Variants in PITPNC1 observed in about 807,000 individuals in gnomAD.
PITPNC1 encodes the protein cytoplasmic phosphatidylinositol transfer protein 1.
In PITPNC1, 18 loss-of-function variants were observed where a neutral mutation model predicts 44.7. That is an observed-to-expected ratio of 0.40 (90% CI 0.28 to 0.60). The LOEUF (loss-of-function observed/expected upper bound fraction) is 0.60. PITPNC1 is among the 20% of genes least tolerant of loss of function. The pLI, the probability that PITPNC1 is intolerant of heterozygous loss-of-function variation, is 0.39. For synonymous variants in PITPNC1, 141 were observed against 149.6 expected (o/e 0.94, Z 0.42); for missense variants, 290 against 418.4 (o/e 0.69, Z 2.68).
At chr17:67,495,036 AGTT>A (rs1319694317) in intron 1 of PITPNC1, among the ~76,000 whole-genome samples, 2 of 69,932 alleles carry the variant, frequency 2.9e-5, no homozygotes, top group African/African-American at 1.1e-4. Flanking sequence ...TGAGCCATGG[AGTT>A]GTTTTTTTTT....
At chr17:67,546,617 C>T (rs757820888) in intron 2 of PITPNC1, among the ~76,000 whole-genome samples, 72 of 152,228 alleles carry the variant, frequency 4.7e-4, no homozygotes, top group Admixed American at 1.5e-3. Context: ...ACACTGTCCA[C>T]ATAACCCTGA....
chr17:67,645,361 A>AAAAAAAAG (rs1567756575), intron 6 of PITPNC1, among the ~76,000 whole-genome samples: 1 of 151,650 alleles, frequency 6.6e-6, no homozygotes. Flanking sequence ...AAAAAAAAAA[A>AAAAAAAAG]AGAGAAAGTG....
chr17:67,437,197 G>C (rs1201299414), intron 1 of PITPNC1, among the ~76,000 whole-genome samples: 1 of 152,182 alleles, frequency 6.6e-6, no homozygotes, highest in East Asian at 1.9e-4. Context: ...TGGGATTACA[G>C]GTGTGAGCCA....
chr17:67,378,758 C>T (rs2037910828), intron 1 of PITPNC1, among the ~76,000 whole-genome samples: 1 of 152,244 alleles, frequency 6.6e-6, no homozygotes, highest in Non-Finnish European at 1.5e-5. Flanking sequence ...CCCGGCACGT[C>T]CGCCCTTCGA....
chr17:67,623,449 G>C (rs1321472731), intron 5 of PITPNC1, among the ~76,000 whole-genome samples: 1 of 152,050 alleles, frequency 6.6e-6, no homozygotes, highest in Non-Finnish European at 1.5e-5. Context: ...GCGTGATCTT[G>C]GCTCACTGCA....
chr17:67,476,742 C>T (rs1348209806), intron 1 of PITPNC1, among the ~76,000 whole-genome samples: 2 of 152,268 alleles, frequency 1.3e-5, no homozygotes, highest in East Asian at 3.9e-4. Context: ...ACCTCCACCT[C>T]CCAAAGTTCT....
At chr17:67,641,783 A>AAATAGT (rs1555575886) in intron 6 of PITPNC1, among the ~76,000 whole-genome samples, 4 of 135,930 alleles carry the variant, frequency 2.9e-5, no homozygotes, top group Admixed American at 7.5e-5. Flanking sequence ...CCCTACCTCA[A>AAATAGT]AATAATAATA....
chr17:67,435,083 TG>T (rs2038917746), intron 1 of PITPNC1, among the ~76,000 whole-genome samples: 1 of 123,098 alleles, frequency 8.1e-6, no homozygotes, highest in Non-Finnish European at 1.6e-5. Context: ...CACTCCAGCC[TG>T]GGTGACAGAG....
At chr17:67,503,987 C>A (rs1410779931) in intron 1 of PITPNC1, among the ~76,000 whole-genome samples, 2 of 151,918 alleles carry the variant, frequency 1.3e-5, no homozygotes, top group South Asian at 2.1e-4. Context: ...TGGAAGTTAC[C>A]CTCTTGTAAC....
chr17:67,493,838 A>C (rs1389524038), intron 1 of PITPNC1, among the ~76,000 whole-genome samples: 1 of 152,244 alleles, frequency 6.6e-6, no homozygotes, highest in Non-Finnish European at 1.5e-5. Flanking sequence ...AGAATGAGAA[A>C]AATTCAGGTC....
At chr17:67,669,745 G>A in intron 7 of PITPNC1, 82 bp downstream of exon 7, 1 of 997,216 alleles carries the variant, frequency 1.0e-6, no homozygotes, top group Non-Finnish European at 1.5e-6. Flanking sequence ...ATACACAACA[G>A]GTGCACAAAT....
intron 1 of PITPNC1, among the ~76,000 whole-genome samples, chr17:67,398,447 G>T (rs568621417): frequency 6.6e-6 from 1 of 152,228 alleles, no homozygotes; most frequent in East Asian, 1.9e-4. Flanking sequence ...TGGCGGAGGA[G>T]GCAAAACTCT....
chr17:67,690,702 T>C (rs1266861869), intron 8 of PITPNC1, among the ~76,000 whole-genome samples: 1 of 152,152 alleles, frequency 6.6e-6, no homozygotes, highest in Non-Finnish European at 1.5e-5. Context: ...AGGATAAGCC[T>C]TGGGCCTTGA....
At chr17:67,408,866 T>C (rs925002011) in intron 1 of PITPNC1, 8 of 152,258 alleles carry the variant, frequency 5.3e-5, no homozygotes, top group African/African-American at 1.7e-4. Context: ...GATAACTCAC[T>C]ACGTTTGGAC....
At chr17:67,490,419 G>T (rs572705628) in intron 1 of PITPNC1, among the ~76,000 whole-genome samples, 4 of 152,074 alleles carry the variant, frequency 2.6e-5, no homozygotes, top group South Asian at 2.1e-4. Context: ...CCAGATAAAA[G>T]AATGAAATTA....
chr17:67,477,241 CTTTTTT>C (rs3052411), intron 1 of PITPNC1, among the ~76,000 whole-genome samples: 3 of 97,014 alleles, frequency 3.1e-5, no homozygotes, highest in African/African-American at 8.9e-5. Context: ...ACACCCAGCT[CTTTTTT>C]TTTTTTTTTT....
intron 5 of PITPNC1, among the ~76,000 whole-genome samples, chr17:67,589,094 A>G (rs1052007079): frequency 6.6e-6 from 1 of 152,224 alleles, no homozygotes; most frequent in African/African-American, 2.4e-5. Flanking sequence ...TGGAAAGTCA[A>G]TGTTCTTATT....
chr17:67,458,080 G>A (rs973882592), intron 1 of PITPNC1, among the ~76,000 whole-genome samples: 1 of 152,134 alleles, frequency 6.6e-6, no homozygotes, highest in African/African-American at 2.4e-5. Context: ...CCCCATCAGT[G>A]TGACCAAACT....
intron 1 of PITPNC1, among the ~76,000 whole-genome samples, chr17:67,498,420 CAT>C (rs1404032493): frequency 6.6e-6 from 1 of 152,124 alleles, no homozygotes; most frequent in Non-Finnish European, 1.5e-5. Flanking sequence ...ATGTATATAC[CAT>C]ATTTTCTGTA....
Sources: gnomAD v4.1 joint callset for allele counts (sites outside exome capture counted in the v4.1 genomes callset) on GRCh38, gnomAD v4.1.1 for gene constraint, MANE v1.5 for transcripts, NCBI Gene and HGNC (gene_info 2026-07-23, HGNC 2026-07-21) for gene names.